Variants in PDE1C observed in about 807,000 individuals in gnomAD.
PDE1C encodes the protein dual specificity calcium/calmodulin-dependent 3',5'-cyclic nucleotide phosphodiesterase 1C.
PDE1C carries 62 observed loss-of-function variants against 93.1 expected under a neutral mutation model. That is an observed-to-expected ratio of 0.67 (90% CI 0.54 to 0.82). The LOEUF is 0.82. PDE1C is among the 40% of genes least tolerant of loss of function. The pLI, the probability that PDE1C is intolerant of heterozygous loss-of-function variation, is 0.00. For missense variants in PDE1C, 742 were observed against 884.6 expected (o/e 0.84, Z 2.04); for synonymous variants, 325 against 310.1 (o/e 1.05, Z -0.50).
intron 7 of PDE1C, among the ~76,000 whole-genome samples, chr7:31,855,703 AAAAT>A (rs1313909314): frequency 7.4e-5 from 11 of 149,334 alleles, no homozygotes; most frequent in Admixed American, 5.3e-4. Flanking sequence ...AATAAAAAAT[AAAAT>A]AAATAAAAAA....
At chr7:32,368,139 C>T (rs775503704) in intron 1 of PDE1C, among the ~76,000 whole-genome samples, 2 of 151,872 alleles carry the variant, frequency 1.3e-5, no homozygotes, top group African/African-American at 2.4e-5. Flanking sequence ...CCTGCCAGAG[C>T]AATTAGTCAA....
chr7:32,110,193 T>G (rs1236557172), intron 3 of PDE1C, among the ~76,000 whole-genome samples: 1 of 152,196 alleles, frequency 6.6e-6, no homozygotes, highest in Non-Finnish European at 1.5e-5. Context: ...TCAGCAGAAC[T>G]GAGTGGTTGC....
At chr7:31,760,177 T>C (rs949215227) in intron 17 of PDE1C, among the ~76,000 whole-genome samples, 1 of 152,188 alleles carries the variant, frequency 6.6e-6, no homozygotes, top group Non-Finnish European at 1.5e-5. Flanking sequence ...CCTTAAATAA[T>C]GCTAACATCT....
At chr7:32,281,044 G>A (rs1188895900) in intron 1 of PDE1C, among the ~76,000 whole-genome samples, 1 of 152,050 alleles carries the variant, frequency 6.6e-6, no homozygotes, top group Admixed American at 6.6e-5. Context: ...GTATGTGTGT[G>A]TAACATTAGT....
chr7:32,035,457 G>A (rs770551305), intron 2 of PDE1C, among the ~76,000 whole-genome samples: 16 of 152,048 alleles, frequency 1.1e-4, no homozygotes, highest in South Asian at 6.2e-4. Context: ...TGCTTTTCAC[G>A]TTTCTTTCCT....
chr7:31,630,854 A>G, the PDE1C span, among the ~76,000 whole-genome samples: 1 of 152,142 alleles, frequency 6.6e-6, no homozygotes, highest in African/African-American at 2.4e-5. Context: ...AAAAGAAAAC[A>G]GGAATTACAA....
At chr7:31,825,487 C>T (rs1228681695) in intron 12 of PDE1C, among the ~76,000 whole-genome samples, 2 of 152,066 alleles carry the variant, frequency 1.3e-5, no homozygotes, top group Non-Finnish European at 2.9e-5. Flanking sequence ...TTATCGACAG[C>T]TCTAGGAAGG....
the PDE1C span, among the ~76,000 whole-genome samples, chr7:31,665,234 A>G: frequency 1.3e-5 from 2 of 152,170 alleles, no homozygotes; most frequent in African/African-American, 4.8e-5. Flanking sequence ...CTTCTCATTC[A>G]GATCTCTGTT....
At chr7:31,714,661 A>C in the PDE1C span, among the ~76,000 whole-genome samples, 1 of 152,248 alleles carries the variant, frequency 6.6e-6, no homozygotes, top group African/African-American at 2.4e-5. Flanking sequence ...CAATCATGGC[A>C]GAAGGCAAAG....
intron 1 of PDE1C, among the ~76,000 whole-genome samples, chr7:32,261,693 A>G (rs1247381141): frequency 6.6e-6 from 1 of 152,172 alleles, no homozygotes; most frequent in Non-Finnish European, 1.5e-5. Flanking sequence ...GTCAACTTTG[A>G]TTTTTACATT....
intron 9 of PDE1C, 47 bp downstream of exon 9, chr7:31,847,920 CA>C: frequency 6.2e-7 from 1 of 1,605,470 alleles, no homozygotes. Context: ...CATCCAACTT[CA>C]AAGTTCCTTC....
intron 2 of PDE1C, among the ~76,000 whole-genome samples, chr7:32,029,827 C>G (rs1252306037): frequency 6.6e-6 from 1 of 152,034 alleles, no homozygotes; most frequent in Non-Finnish European, 1.5e-5. Flanking sequence ...TTAGCCAATA[C>G]ATTTGTGCAT....
chr7:31,866,233 G>A (rs1222750450), intron 6 of PDE1C, among the ~76,000 whole-genome samples: 1 of 152,056 alleles, frequency 6.6e-6, no homozygotes. Context: ...AAAATGCTAA[G>A]TTAATACTCC....
the PDE1C span, among the ~76,000 whole-genome samples, chr7:31,630,785 G>A: frequency 6.6e-6 from 1 of 152,010 alleles, no homozygotes; most frequent in African/African-American, 2.4e-5. Flanking sequence ...AAGAATCAAA[G>A]AGATGTTAAA....
At chr7:32,355,198 T>C (rs1208280308) in intron 1 of PDE1C, among the ~76,000 whole-genome samples, 1 of 152,136 alleles carries the variant, frequency 6.6e-6, no homozygotes. Context: ...AGTGTGAAAG[T>C]CAATCTCCGC....
At chr7:32,311,930 A>G (rs1271764766) in intron 1 of PDE1C, among the ~76,000 whole-genome samples, 2 of 151,900 alleles carry the variant, frequency 1.3e-5, no homozygotes, top group Non-Finnish European at 2.9e-5. Flanking sequence ...GAAGGAAATA[A>G]AGGGTATTCA....
chr7:31,711,147 T>C, the PDE1C span, among the ~76,000 whole-genome samples: 1 of 152,218 alleles, frequency 6.6e-6, no homozygotes, highest in African/African-American at 2.4e-5. Flanking sequence ...ATGTGGCTCT[T>C]CCATCTGATG....
intron 1 of PDE1C, among the ~76,000 whole-genome samples, chr7:32,288,424 CTT>C (rs1231731246): frequency 6.6e-6 from 1 of 152,196 alleles, no homozygotes; most frequent in Admixed American, 6.5e-5. Flanking sequence ...GGCTTACAGT[CTT>C]ACACAACTGG....
chr7:31,853,512 C>T (rs1262872913), intron 7 of PDE1C, among the ~76,000 whole-genome samples: 5 of 151,982 alleles, frequency 3.3e-5, no homozygotes, highest in Admixed American at 2.0e-4. Flanking sequence ...TTGACTGGAG[C>T]GGGAGAGAAG....
Sources: allele counts gnomAD v4.1 joint callset (sites outside exome capture counted in the v4.1 genomes callset), GRCh38; gene constraint gnomAD v4.1.1; transcripts MANE v1.5; gene names NCBI Gene and HGNC (gene_info 2026-07-23, HGNC 2026-07-21).